Variants in DNAH10 observed in about 807,000 individuals in gnomAD.
DNAH10 encodes dynein axonemal heavy chain 10, also known as axonemal beta dynein heavy chain 10.
In DNAH10, 348 loss-of-function variants were observed where a neutral mutation model predicts 506.6. The observed-to-expected ratio is 0.69, with a 90% CI of 0.63 to 0.75. DNAH10 has a LOEUF of 0.75. Ranked by LOEUF, DNAH10 falls within the 30% of genes least tolerant of loss-of-function variation. The pLI is 0.00. For missense variants in DNAH10, 5,179 were observed against 5,787.1 expected (o/e 0.89, Z 3.41); for synonymous variants, 2,059 against 2,198.6 (o/e 0.94, Z 1.78).
chr12:123,789,877 C>G, intron 10 of DNAH10, 50 bp from the exon 11 acceptor site: 2 of 1,539,760 alleles, frequency 1.3e-6, no homozygotes, highest in Non-Finnish European at 1.8e-6. Flanking sequence ...TTCTAATATT[C>G]ACAGGAAAAC....
intron 25 of DNAH10, among the ~76,000 whole-genome samples, chr12:123,827,818 C>A (rs1960145286): frequency 6.6e-6 from 1 of 152,208 alleles, no homozygotes; most frequent in Non-Finnish European, 1.5e-5. Context: ...CAACAAGGAG[C>A]AGGCAGCCCT....
In DNAH10 at chr12:123,902,268, C is replaced by T. The variant is rs1185375187; in HGVS notation, c.9641-671C>T. ...TAATTCCATCTACAAAGACCCACTT[C>T]CAAATAAGGTCACATCCTGAGGTCC... On this transcript the variant is annotated intron_variant, in intron 56 of 78. Coordinates refer to ENST00000673944, the MANE Select transcript of DNAH10 (RefSeq NM_001372106.1). This position sits in a 1 kb window ranked among gnomAD's most constrained non-coding sequence, Gnocchi z 4.5. 1.3e-5 allele frequency among the ~76,000 whole-genome samples: 2 copies of T among 152,090 alleles called. No homozygotes were observed. Among genetic ancestry groups the T allele is most frequent in the Non-Finnish European group, 2.9e-5 (2 of 68,018 alleles).
chr12:123,897,552 C>T (rs892423034), intron 54 of DNAH10, among the ~76,000 whole-genome samples: 3 of 151,868 alleles, frequency 2.0e-5, no homozygotes, highest in Admixed American at 6.6e-5. Flanking sequence ...GGTGAAACCT[C>T]ACCTCTACAA....
At chr12:123,860,978 T>C (rs1354586656) in intron 38 of DNAH10, 34 bp from the exon 39 acceptor site, 2 of 1,613,794 alleles carry the variant, frequency 1.2e-6, no homozygotes, top group South Asian at 1.1e-5. Context: ...CATTTAGTTG[T>C]CTTGAACCAT....
chr12:123,851,692 G>A (rs1407988090), intron 35 of DNAH10, among the ~76,000 whole-genome samples: 1 of 152,218 alleles, frequency 6.6e-6, no homozygotes, highest in Non-Finnish European at 1.5e-5. Flanking sequence ...TATGGCGTGT[G>A]CGTGTAGTTA....
chr12:123,841,525 A>T lies in DNAH10; in HGVS notation c.5340A>T (p.Arg1780Ser), dbSNP rs1950775112. Reference protein sequence around the residue: ...NRLITKEAIFRYCEDRSRVDW... With the variant: ...NRLITKEAIFSYCEDRSRVDW... ...TAATTACCAAAGAGGCTATTTTTAGATACTGTGAAGACAGAAGCAGGTAAG... is the reference window on the plus strand; with the variant it reads ...TAATTACCAAAGAGGCTATTTTTAGTTACTGTGAAGACAGAAGCAGGTAAG... The change falls in exon 30 of 79, where the codon AGA (arginine) becomes AGT (serine). Residue 1780 changes from arginine to serine, a missense_variant. Coordinates refer to ENST00000673944, the MANE Select transcript of DNAH10 (RefSeq NM_001372106.1). The T allele has an allele frequency of 5.0e-6, 8 of 1,613,964 alleles. No homozygotes were observed. The highest frequency in any genetic ancestry group is 6.8e-6 in the Non-Finnish European group (8 of 1,179,888).
rs1306395495 is a variant in DNAH10 at position 123,909,105 on chromosome 12, G to A, written c.9816-156G>A. ...CCCTTAGGGACGCTCCCGCCCAGGA[G>A]TGCGGTTTGTGTTGGGACCTGGCTT... On this transcript the variant is annotated intron_variant, in intron 57 of 78. Coordinates refer to ENST00000673944, the MANE Select transcript of DNAH10 (RefSeq NM_001372106.1). The surrounding 1 kb of genome is among the most constrained non-coding windows in gnomAD (Gnocchi z 5.4). Among the ~76,000 whole-genome samples the A allele has an allele frequency of 6.6e-6, 1 of 152,226 alleles. No homozygotes were observed. Among genetic ancestry groups the A allele is most frequent in the African/African-American group, 2.4e-5 (1 of 41,462 alleles).
Position 123,932,431 on chromosome 12 carries a change from CCTT to C in DNAH10, c.13296+326_13296+328del, listed in dbSNP as rs370058592. Reference sequence around the variant, plus strand: ...ACAAATGTTTCATATCCTTTCTCCTCCTTCTGTATCCTAAAAATATGGTAACTG... The same window carrying C: ...ACAAATGTTTCATATCCTTTCTCCTCCTGTATCCTAAAAATATGGTAACTG... On this transcript the variant is annotated intron_variant, in intron 76 of 78. Coordinates refer to ENST00000673944, the MANE Select transcript of DNAH10 (RefSeq NM_001372106.1). Among the ~76,000 whole-genome samples the C allele has an allele frequency of 4.5e-4, 69 of 151,724 alleles. 1 individual carries two copies. The highest frequency in any genetic ancestry group is 3.4e-3 in the Middle Eastern group (1 of 290).
At position 123,813,215 on chromosome 12, in the gene DNAH10, G is replaced by A; in HGVS notation, c.3196G>A (p.Gly1066Arg). Residue 1066 changes from glycine (G) to arginine (R), a missense_variant, in exon 20 of 79, where the codon GGG (glycine) becomes AGG (arginine). Gly to Arg is a moderately radical substitution (Grantham distance 125, BLOSUM62 -2). Around this residue, in one of 3 missense-constraint regions of DNAH10, gnomAD observed 4,844 missense variants for 5,430.5 expected, o/e 0.89. Transcript: ENST00000673944. ...GSCIECPPQK[G>R]EEEEVVIINF... ...CTGCATAGAATGCCCACCTCAGAAG[G>A]GGGAGGAAGAGGAAGTTGTTATAAT... The A allele has an allele frequency of 6.2e-7, 1 of 1,613,858 alleles. No homozygotes were observed. Among genetic ancestry groups the A allele is most frequent in the South Asian group, 1.1e-5 (1 of 91,032 alleles).
In DNAH10 at chr12:123,924,289, C is replaced by T. The variant is rs1566111395; in HGVS notation, c.11623C>T (p.Leu3875=). 3.1e-6 allele frequency: 5 copies of T among 1,609,074 alleles called. No homozygotes were observed. The highest frequency in any genetic ancestry group is 2.7e-5 in the African/African-American group (2 of 74,774). ...TCTGTTGTGATTAGGAAACATTTCCCTGGAGAAAAGCAAAAGAAAAAAGCC... is the reference window on the plus strand; with the variant it reads ...TCTGTTGTGATTAGGAAACATTTCCTTGGAGAAAAGCAAAAGAAAAAAGCC... ...LDFFLKGNIS[L]EKSKRKKPCA... Residue 3875 remains leucine (L), a synonymous_variant, in exon 67 of 79, where the codon CTG becomes TTG. Transcript: ENST00000673944.
At chr12:123,921,753 G>T in intron 65 of DNAH10, among the ~76,000 whole-genome samples, 1 of 124,624 alleles carries the variant, frequency 8.0e-6, no homozygotes, top group South Asian at 2.9e-4. Flanking sequence ...TCACTCTGTT[G>T]CCCAGGCTGG....
chr12:123,771,539 T>C, intron 2 of DNAH10, 62 bp from the exon 3 acceptor site: 1 of 1,407,732 alleles, frequency 7.1e-7, no homozygotes, highest in Non-Finnish European at 9.9e-7. Context: ...GCAGGGCTGC[T>C]CTTGATGGTA....
At chr12:123,890,250 G>GT (rs2137151287) in intron 52 of DNAH10, among the ~76,000 whole-genome samples, 1 of 152,088 alleles carries the variant, frequency 6.6e-6, no homozygotes, top group East Asian at 1.9e-4. Flanking sequence ...AGATTTATGG[G>GT]TTTTTTAATT....
chr12:123,854,187 T>C (rs369350515), intron 36 of DNAH10, among the ~76,000 whole-genome samples: 118 of 152,086 alleles, frequency 7.8e-4, no homozygotes, highest in African/African-American at 2.2e-3. Context: ...TCGTCATTTG[T>C]ACTTCTTTTT....
At chr12:123,782,562 C>T (rs149109213) in intron 6 of DNAH10, among the ~76,000 whole-genome samples, 2,029 of 151,752 alleles carry the variant, frequency 0.013, 27 homozygotes, top group Non-Finnish European at 0.02. Flanking sequence ...TAGGCACACA[C>T]CACCATGCCT....
chr12:123,832,518 T>G (rs1445371707), intron 26 of DNAH10, among the ~76,000 whole-genome samples: 1 of 152,176 alleles, frequency 6.6e-6, no homozygotes, highest in Non-Finnish European at 1.5e-5. Context: ...TACAGATTTT[T>G]TTTTTTTTGA....
intron 2 of DNAH10, among the ~76,000 whole-genome samples, chr12:123,771,369 C>G (rs1957246170): frequency 6.6e-6 from 1 of 152,144 alleles, no homozygotes; most frequent in Admixed American, 6.6e-5. Flanking sequence ...AACGCAGACA[C>G]AAACATGTAA....
Position 123,871,020 on chromosome 12 carries a change from G to A in DNAH10, c.7640-437G>A, listed in dbSNP as rs575132038. On this transcript the variant is annotated intron_variant, in intron 44 of 78. Transcript: ENST00000673944. ...TCTGACTTTGGTCCATTGAGCTTAC[G>A]GAGTGAGACATCCCTGTTTTCTCGG... 1.4e-4 allele frequency among the ~76,000 whole-genome samples: 22 copies of A among 152,218 alleles called. 1 individual carries two copies. The East Asian group carries it at 2.1e-3, about 15-fold the overall frequency.
intron 26 of DNAH10, among the ~76,000 whole-genome samples, chr12:123,831,066 T>C (rs542327982): frequency 1.2e-4 from 18 of 152,346 alleles, no homozygotes; most frequent in African/African-American, 4.3e-4. Context: ...TTGTTCCCAA[T>C]TGTAGTTTCA....
Sources: allele counts gnomAD v4.1 joint callset (sites outside exome capture counted in the v4.1 genomes callset), GRCh38; gene constraint gnomAD v4.1.1; regional missense constraint gnomAD v4.1.1; non-coding constraint Gnocchi (gnomAD v3.1); transcripts MANE v1.5; gene names NCBI Gene and HGNC (gene_info 2026-07-23, HGNC 2026-07-21).